Variants in PKHD1 observed in about 807,000 individuals in gnomAD.
PKHD1 encodes PKHD1 ciliary IPT domain containing fibrocystin/polyductin, also known as fibrocystin.
PKHD1 carries 291 observed loss-of-function variants against 412.0 expected under a neutral mutation model. The observed-to-expected ratio is 0.71, with a 90% confidence interval of 0.64 to 0.78. PKHD1 has a LOEUF of 0.78. Among genes scored for constraint, PKHD1 ranks in the 30% least tolerant of loss-of-function variants. The probability of loss-of-function intolerance (pLI) is 0.00; values close to 1 mark genes in which losing one functional copy is unlikely to be tolerated. For missense variants in PKHD1, 4,825 were observed against 4,950.7 expected (o/e 0.97, Z 0.76); for synonymous variants, 1,777 against 1,821.5 (o/e 0.98, Z 0.62).
intron 60 of PKHD1, among the ~76,000 whole-genome samples, chr6:51,711,146 A>T (rs1453143118): frequency 2.0e-5 from 3 of 152,100 alleles, no homozygotes; most frequent in Non-Finnish European, 4.4e-5. Flanking sequence ...GGATACTTTA[A>T]CCAATCAGAG....
At chr6:51,917,635 G>A (rs1583357153) in intron 37 of PKHD1, among the ~76,000 whole-genome samples, 5 of 152,104 alleles carry the variant, frequency 3.3e-5, no homozygotes, top group Admixed American at 3.3e-4. Flanking sequence ...TGTGCCAGAT[G>A]ACAAAATGGG....
Position 52,082,411 on chromosome 6 carries a change from C to G in PKHD1, c.262G>C (p.Val88Leu), listed in dbSNP as rs374447352. The change falls in exon 4 of 67, where the codon GTG (valine) becomes CTG (leucine). Residue 88 changes from valine (V) to leucine (L), a missense_variant. Val to Leu is a conservative substitution (Grantham distance 32). Coordinates refer to ENST00000371117, the MANE Select transcript of PKHD1 (RefSeq NM_138694.4). Reference protein sequence around the residue: ...DVFPVFLDLPVVTCRTRSVLS... With the variant: ...DVFPVFLDLPLVTCRTRSVLS... ...GTATACCTGGTCCGGCATGTCACCA[C>G]AGGCAAATCCAAGAAAACAGGAAAG... 3.2e-5 allele frequency: 51 copies of G among 1,614,022 alleles called. No homozygotes were observed. The highest frequency in any genetic ancestry group is 4.0e-5 in the African/African-American group (3 of 74,930).
At chr6:51,642,475 T>C (rs921302909) in intron 63 of PKHD1, among the ~76,000 whole-genome samples, 3 of 152,142 alleles carry the variant, frequency 2.0e-5, no homozygotes, top group African/African-American at 4.8e-5. Context: ...TTGTGGAATA[T>C]GGCTAAGGCA....
At position 52,064,982 on chromosome 6, in the gene PKHD1, CT is replaced by C; in HGVS notation, c.948del (p.Asp317MetfsTer2). Reference protein sequence around the residue: ...KIECTTRAPGKDVRLTTPQPG... With the variant: ...KIECTTRAPGXDVRLTTPQPG... ...GGCTGAGGGGTGGTGAGCCTCACATCTTTTCCTGGAGCCCGAGTGGTGCACT... is the reference window on the plus strand; with the variant it reads ...GGCTGAGGGGTGGTGAGCCTCACATCTTTCCTGGAGCCCGAGTGGTGCACT... On this transcript the variant is annotated frameshift_variant, in exon 13 of 67. Transcript: ENST00000371117. LOFTEE classifies it high-confidence loss of function. 1 of 1,603,714 alleles carries C rather than the reference CT, an allele frequency of 6.2e-7. No homozygotes were observed. Among genetic ancestry groups the C allele is most frequent in the Non-Finnish European group, 8.5e-7 (1 of 1,175,682 alleles).
intron 18 of PKHD1, 72 bp from the exon 19 acceptor site, chr6:52,055,801 G>C (rs962206042): frequency 2.7e-6 from 4 of 1,507,860 alleles, no homozygotes; most frequent in Admixed American, 1.8e-5. Context: ...CTACATGTGT[G>C]CATGAGGATT....
At chr6:52,078,375 G>C (rs1404978458) in intron 5 of PKHD1, among the ~76,000 whole-genome samples, 1 of 152,162 alleles carries the variant, frequency 6.6e-6, no homozygotes, top group Non-Finnish European at 1.5e-5. Context: ...AAAGAGGGGA[G>C]AGGAAATGCA....
intron 52 of PKHD1, among the ~76,000 whole-genome samples, chr6:51,799,620 A>G (rs1021522312): frequency 1.3e-5 from 2 of 152,174 alleles, no homozygotes; most frequent in African/African-American, 2.4e-5. Flanking sequence ...TTGTATCACA[A>G]TAATAAATAT....
At chr6:51,860,076 T>C (rs542282175) in intron 48 of PKHD1, among the ~76,000 whole-genome samples, 1 of 152,364 alleles carries the variant, frequency 6.6e-6, no homozygotes, top group African/African-American at 2.4e-5. Flanking sequence ...TTATTAGGGA[T>C]GCAATTTCAT....
rs546692889 is a variant in PKHD1 at position 52,013,440 on chromosome 6, G to A, written c.5601-2981C>T. Among the ~76,000 whole-genome samples the A allele has an allele frequency of 3.3e-5, 5 of 152,172 alleles. No individual in the cohort carries two copies. In the East Asian group the frequency reaches 9.6e-4, roughly 29 times the overall value. ...CATTAAAAAGCCATCACCAAAATTA[G>A]CTGAGACACCAGGATATCCAAAATA... On this transcript the variant is annotated intron_variant, in intron 34 of 66. Transcript: ENST00000371117.
At chr6:51,896,356 CCT>C (rs1481192918) in intron 43 of PKHD1, among the ~76,000 whole-genome samples, 36 of 152,102 alleles carry the variant, frequency 2.4e-4, no homozygotes, top group Non-Finnish European at 1.3e-4. Flanking sequence ...GTCCCTGACC[CCT>C]GACCCCCGAG....
At chr6:52,031,465 T>C (rs1230786625) in intron 29 of PKHD1, among the ~76,000 whole-genome samples, 2 of 152,254 alleles carry the variant, frequency 1.3e-5, no homozygotes, top group Non-Finnish European at 2.9e-5. Flanking sequence ...TGGAGCTCTC[T>C]GAACCTTTTC....
chr6:51,884,530 T>C (rs764813672), intron 45 of PKHD1, among the ~76,000 whole-genome samples: 2 of 152,308 alleles, frequency 1.3e-5, no homozygotes, highest in Middle Eastern at 3.4e-3. Context: ...GCTGCTATTA[T>C]GTTACTTAAT....
intron 55 of PKHD1, among the ~76,000 whole-genome samples, chr6:51,763,007 G>A (rs1788304544): frequency 6.6e-6 from 1 of 151,978 alleles, no homozygotes; most frequent in Non-Finnish European, 1.5e-5. Flanking sequence ...TCCATAAAAT[G>A]AATATACTAC....
chr6:51,741,147 C>A (rs765171226), intron 60 of PKHD1: 5 of 518,800 alleles, frequency 9.6e-6, no homozygotes, highest in Non-Finnish European at 1.9e-5. Context: ...GCAGCAAGAA[C>A]ATATTTGTGC....
Position 51,753,182 on chromosome 6 carries a change from T to C in PKHD1, c.8950+19A>G. 6.2e-7 allele frequency: 1 copy of C among 1,611,472 alleles called. No individual in the cohort carries two copies. The highest frequency in any genetic ancestry group is 8.5e-7 in the Non-Finnish European group (1 of 1,177,708). On this transcript the variant is annotated intron_variant, in intron 57 of 66. Transcript: ENST00000371117. The stretch of plus-strand genomic sequence containing the variant: ...TAGGCTCCAACTGGTAATGGCCAAT[T>C]ACTTAAAATTTCATTTACCTGAAAA...
chr6:52,028,409 T>C, intron 29 of PKHD1, 58 bp from the exon 30 acceptor site: 1 of 1,483,070 alleles, frequency 6.7e-7, no homozygotes, highest in East Asian at 2.3e-5. Flanking sequence ...CTCAACCATC[T>C]ATTCAATTCT....
rs1562042679 is a variant in PKHD1 at position 51,659,626 on chromosome 6, G to A, written c.10500C>T (p.Tyr3500=). 2 of 1,613,736 alleles carry A rather than the reference G, an allele frequency of 1.2e-6. No individual in the cohort carries two copies. The highest frequency in any genetic ancestry group is 1.7e-6 in the Non-Finnish European group (2 of 1,179,822). The part of the protein sequence containing the change: ...STSKLLLAVF[Y]HELQSPHVFL... ...AGACGTGGGGGCTCTGGAGCTCATGGTAGAATACAGCCAAGAGAAGCTTGG... is the reference window on the plus strand; with the variant it reads ...AGACGTGGGGGCTCTGGAGCTCATGATAGAATACAGCCAAGAGAAGCTTGG... Residue 3500 remains tyrosine (Y), a synonymous_variant, in exon 61 of 67, where the codon TAC becomes TAT. Transcript: ENST00000371117.
chr6:51,622,981 T>G (rs1469619894), intron 66 of PKHD1: 1 of 152,176 alleles, frequency 6.6e-6, no homozygotes, highest in Non-Finnish European at 1.5e-5. Flanking sequence ...CTATTTCCAC[T>G]AATGTGCCCA....
chr6:51,903,781 C>A, intron 42 of PKHD1, 54 bp from the exon 43 acceptor site: 1 of 1,434,612 alleles, frequency 7.0e-7, no homozygotes, highest in Non-Finnish European at 9.8e-7. Flanking sequence ...ATGTACTCAA[C>A]TCAACACCCT....
Sources: gnomAD v4.1 joint callset for allele counts (sites outside exome capture counted in the v4.1 genomes callset) on GRCh38, gnomAD v4.1.1 for gene constraint, MANE v1.5 for transcripts, NCBI Gene and HGNC (gene_info 2026-07-23, HGNC 2026-07-21) for gene names.